Variants in LOXL2 observed in about 807,000 individuals in gnomAD.
The protein encoded by LOXL2 is lysyl oxidase homolog 2.
LOXL2 carries 70 observed loss-of-function variants against 93.0 expected under a neutral mutation model. The ratio of observed to expected loss-of-function variants is 0.75; its 90% CI spans 0.62 to 0.92. The LOEUF is 0.92. Among genes scored for constraint, LOXL2 ranks in the 40% least tolerant of loss-of-function variants. The probability of loss-of-function intolerance (pLI) is 0.00; values close to 1 mark genes in which losing one functional copy is unlikely to be tolerated. For synonymous variants in LOXL2, 438 were observed against 413.2 expected, an observed-to-expected ratio of 1.06 and a Z score of -0.73; for missense variants, 973 against 1,054.9, an observed-to-expected ratio of 0.92 and a Z score of 1.08.
intron 1 of LOXL2, among the ~76,000 whole-genome samples, chr8:23,402,446 T>G: frequency 6.6e-6 from 1 of 152,166 alleles, no homozygotes; most frequent in East Asian, 1.9e-4. Flanking sequence ...GGGCAGATAC[T>G]AGGGACCAGG....
chr8:23,336,454 G>C (rs1323587185), intron 4 of LOXL2: 5 of 152,296 alleles, frequency 3.3e-5, no homozygotes, highest in Admixed American at 3.3e-4. Flanking sequence ...CCCCGCTCCA[G>C]ACCTGGAGAC....
At chr8:23,328,312 G>A in intron 6 of LOXL2, 70 bp downstream of exon 6, 1 of 1,536,506 alleles carries the variant, frequency 6.5e-7, no homozygotes, top group Non-Finnish European at 8.9e-7. Flanking sequence ...CTCACGGCCA[G>A]CAGCCAGGCT....
At chr8:23,360,636 A>T (rs1283381494) in intron 2 of LOXL2, among the ~76,000 whole-genome samples, 1 of 152,148 alleles carries the variant, frequency 6.6e-6, no homozygotes, top group African/African-American at 2.4e-5. Flanking sequence ...CTTATCAGTA[A>T]AGTGGGGCTA....
At chr8:23,366,182 G>T (rs1312706386) in intron 2 of LOXL2, 2 of 152,256 alleles carry the variant, frequency 1.3e-5, no homozygotes, top group African/African-American at 4.8e-5. Context: ...GCCTGGAATG[G>T]AAAACATGAA....
At chr8:23,298,166 C>A in intron 13 of LOXL2, 44 bp from the exon 14 acceptor site, 1 of 1,499,166 alleles carries the variant, frequency 6.7e-7, no homozygotes, top group Non-Finnish European at 9.3e-7. Flanking sequence ...AAATGAGATG[C>A]TCGGGCCTTG....
intron 12 of LOXL2, among the ~76,000 whole-genome samples, chr8:23,301,454 C>G (rs147669930): frequency 1.3e-5 from 2 of 152,182 alleles, no homozygotes; most frequent in African/African-American, 4.8e-5. Flanking sequence ...AAGAAGTCAC[C>G]TGGCCAGGCT....
At chr8:23,385,699 C>G (rs1804749218) in intron 1 of LOXL2, 6 of 540,510 alleles carry the variant, frequency 1.1e-5, no homozygotes. Context: ...TGAGCACTGC[C>G]CAACAGAAAC....
chr8:23,333,510 A>T lies in LOXL2; in HGVS notation c.857T>A (p.Met286Lys). The T allele has an allele frequency of 6.2e-7, 1 of 1,613,992 alleles. No individual in the cohort carries two copies. The highest frequency in any genetic ancestry group is 8.5e-7 in the Non-Finnish European group (1 of 1,180,030). ...KLGPQVSLDP[M>K]KNVTCENGLP... Reference sequence around the variant, plus strand: ...CCCATTCTCGCAGGTGACATTCTTCATGGGGTCCAGTGACACCTGGGGGCC... The same window carrying T: ...CCCATTCTCGCAGGTGACATTCTTCTTGGGGTCCAGTGACACCTGGGGGCC... Residue 286 changes from methionine to lysine, a missense_variant, in exon 5 of 14, where the codon ATG becomes AAG. Physicochemically the swap from Met to Lys is moderately conservative, Grantham distance 95 (BLOSUM62 -1). Coordinates refer to ENST00000389131, the MANE Select transcript of LOXL2 (RefSeq NM_002318.3).
chr8:23,348,609 G>C (rs1353578392), intron 3 of LOXL2, among the ~76,000 whole-genome samples: 1 of 151,942 alleles, frequency 6.6e-6, no homozygotes, highest in Non-Finnish European at 1.5e-5. Flanking sequence ...CGGGTGCGGT[G>C]GCTCACGCCT....
chr8:23,358,329 G>C (rs1227922784), intron 3 of LOXL2, among the ~76,000 whole-genome samples: 2 of 152,228 alleles, frequency 1.3e-5, no homozygotes, highest in African/African-American at 4.8e-5. Flanking sequence ...TATACAGCAG[G>C]GTTGGGCAAA....
intron 2 of LOXL2, among the ~76,000 whole-genome samples, chr8:23,366,583 T>C (rs1585373130): frequency 6.6e-6 from 1 of 152,344 alleles, no homozygotes; most frequent in East Asian, 1.9e-4. Context: ...AACTAGATTA[T>C]GGTGGGTTGA....
intron 9 of LOXL2, among the ~76,000 whole-genome samples, chr8:23,312,134 A>T (rs953615414): frequency 1.3e-5 from 2 of 152,178 alleles, no homozygotes; most frequent in South Asian, 4.1e-4. Context: ...CAATAACAGG[A>T]TCTGAAATTG....
chr8:23,341,599 T>G, intron 3 of LOXL2: 1 of 306,394 alleles, frequency 3.3e-6, no homozygotes, highest in East Asian at 7.9e-5. Context: ...TGCATTTCAC[T>G]CCAAAGTATG....
chr8:23,357,086 T>C (rs78672301), intron 3 of LOXL2, among the ~76,000 whole-genome samples: 1 of 151,968 alleles, frequency 6.6e-6, no homozygotes, highest in Non-Finnish European at 1.5e-5. Flanking sequence ...TTTTTTTTTT[T>C]AGACGGAGTC....
intron 4 of LOXL2, among the ~76,000 whole-genome samples, chr8:23,340,649 G>A (rs1308514205): frequency 6.6e-6 from 1 of 152,220 alleles, no homozygotes; most frequent in East Asian, 1.9e-4. Context: ...CCCTAGCCTA[G>A]CTCGTGCAGT....
chr8:23,388,418 A>G (rs1159133493), intron 1 of LOXL2, among the ~76,000 whole-genome samples: 2 of 151,866 alleles, frequency 1.3e-5, no homozygotes, highest in Non-Finnish European at 2.9e-5. Context: ...TCTCTACAAA[A>G]AAATTTTTTT....
intron 5 of LOXL2, chr8:23,332,012 G>C (rs1430729752): frequency 2.4e-5 from 3 of 125,138 alleles, no homozygotes; most frequent in Non-Finnish European, 4.7e-5. Flanking sequence ...CTCCAGCCTG[G>C]CAACAAGAGT....
At chr8:23,341,489 T>G (rs771781722) in intron 3 of LOXL2, 2 of 486,994 alleles carry the variant, frequency 4.1e-6, no homozygotes, top group Non-Finnish European at 7.5e-6. Context: ...TTCTCCTACA[T>G]CCGAACCTAA....
chr8:23,403,684 C>G (rs990924671), intron 1 of LOXL2, among the ~76,000 whole-genome samples: 1 of 151,952 alleles, frequency 6.6e-6, no homozygotes, highest in Non-Finnish European at 1.5e-5. Context: ...TCGGGACGAT[C>G]CAGGGACCCA....
Sources: gnomAD v4.1 joint callset for allele counts (sites outside exome capture counted in the v4.1 genomes callset) on GRCh38, gnomAD v4.1.1 for gene constraint, MANE v1.5 for transcripts, NCBI Gene and HGNC (gene_info 2026-07-23, HGNC 2026-07-21) for gene names.